Variants in SV2B observed in about 807,000 individuals in gnomAD.
SV2B encodes the protein synaptic vesicle glycoprotein 2B, also known as solute carrier family 22 member B2.
A neutral mutation model predicts 73.9 loss-of-function variants in SV2B; 41 were observed. The ratio of observed to expected loss-of-function variants is 0.56; its 90% CI spans 0.43 to 0.72. SV2B has a LOEUF of 0.72. Ranked by LOEUF, SV2B falls within the 30% of genes least tolerant of loss-of-function variation. The pLI is 0.00. For missense variants in SV2B, 764 were observed against 857.8 expected, an observed-to-expected ratio of 0.89 and a Z score of 1.37; for synonymous variants, 314 against 314.2, an observed-to-expected ratio of 1.00 and a Z score of 0.01.
chr15:91,172,279 T>C (rs1172175445), intron 1 of SV2B, among the ~76,000 whole-genome samples: 1 of 152,162 alleles, frequency 6.6e-6, no homozygotes, highest in East Asian at 1.9e-4. Context: ...GCTGAAACAT[T>C]TACATGTGCT....
At chr15:91,276,632 T>C (rs1277828241) in intron 9 of SV2B, among the ~76,000 whole-genome samples, 2 of 151,882 alleles carry the variant, frequency 1.3e-5, no homozygotes, top group Non-Finnish European at 2.9e-5. Flanking sequence ...TCTGTTACAT[T>C]ATTTAAAACA....
chr15:91,101,041 G>A (rs1416242193), intron 1 of SV2B, among the ~76,000 whole-genome samples: 1 of 152,226 alleles, frequency 6.6e-6, no homozygotes, highest in Non-Finnish European at 1.5e-5. Context: ...GTTCAGCAGG[G>A]CTGATGAAAT....
chr15:91,284,127 T>C lies in SV2B; in HGVS notation c.1614T>C (p.Ile538=), dbSNP rs200630483. ...MDLEQDNDFL[I]YLVSFLGSLS... ...TGGAGCAAGATAATGACTTCCTGAT[T>C]TACCTCGTCAGCTTCCTGGGCAGCC... The change falls in exon 11 of 13, where the codon ATT becomes ATC. Residue 538 remains isoleucine, a synonymous_variant. Transcript: ENST00000394232. The surrounding 1 kb of genome is among the most constrained non-coding windows in gnomAD (Gnocchi z 4.5). 1 of 1,614,188 alleles carries C rather than the reference T, an allele frequency of 6.2e-7. No homozygotes were observed. The highest frequency in any genetic ancestry group is 1.1e-5 in the South Asian group (1 of 91,080).
At chr15:91,186,480 C>T (rs2044774746) in intron 1 of SV2B, among the ~76,000 whole-genome samples, 1 of 152,168 alleles carries the variant, frequency 6.6e-6, no homozygotes, top group South Asian at 2.1e-4. Context: ...AGTCACTTGA[C>T]CTCTCTGAGA....
chr15:91,190,485 T>G (rs971219657), intron 1 of SV2B, among the ~76,000 whole-genome samples: 1 of 152,230 alleles, frequency 6.6e-6, no homozygotes, highest in African/African-American at 2.4e-5. Flanking sequence ...AGCAGGATGT[T>G]TGCAGTAGGA....
intron 1 of SV2B, among the ~76,000 whole-genome samples, chr15:91,101,205 G>A (rs562305285): frequency 4.4e-4 from 67 of 152,234 alleles, no homozygotes; most frequent in African/African-American, 1.4e-3. Context: ...GGAGGTGAAT[G>A]TGGGTGGCTT....
intron 1 of SV2B, among the ~76,000 whole-genome samples, chr15:91,120,736 G>T (rs1235914386): frequency 6.6e-6 from 1 of 150,970 alleles, no homozygotes; most frequent in African/African-American, 2.4e-5. Context: ...ATCACTTGAG[G>T]CTGGGAGACT....
intron 1 of SV2B, among the ~76,000 whole-genome samples, chr15:91,178,164 C>A (rs1309616354): frequency 2.6e-5 from 4 of 151,342 alleles, no homozygotes; most frequent in African/African-American, 9.7e-5. Flanking sequence ...TGGTTTTTGT[C>A]TTTGGTTCTG....
intron 7 of SV2B, 86 bp downstream of exon 7, chr15:91,266,778 T>A: frequency 8.7e-7 from 1 of 1,145,334 alleles, no homozygotes; most frequent in Non-Finnish European, 1.2e-6. Flanking sequence ...CTCCTGAACA[T>A]CCCCACCAAC....
intron 1 of SV2B, among the ~76,000 whole-genome samples, chr15:91,109,001 TAGC>T (rs926681368): frequency 6.6e-6 from 1 of 151,996 alleles, no homozygotes; most frequent in East Asian, 1.9e-4. Context: ...GGGGAGAGAG[TAGC>T]ATTAATTTTC....
intron 2 of SV2B, among the ~76,000 whole-genome samples, chr15:91,238,512 C>T (rs1315337005): frequency 1.3e-5 from 2 of 152,234 alleles, no homozygotes; most frequent in Non-Finnish European, 2.9e-5. Context: ...GTGCGCATTA[C>T]ACATATAACC....
chr15:91,182,424 G>A (rs1018724969), intron 1 of SV2B, among the ~76,000 whole-genome samples: 4 of 152,174 alleles, frequency 2.6e-5, no homozygotes, highest in Non-Finnish European at 5.9e-5. Flanking sequence ...AGCTCAAAAA[G>A]CTCAAAATCT....
chr15:91,224,729 A>AT lies in SV2B; in HGVS notation c.-391-1136dup, dbSNP rs977639106. 8.6e-5 allele frequency among the ~76,000 whole-genome samples: 13 copies of AT among 151,856 alleles called. No homozygotes were observed. Among genetic ancestry groups the AT allele is most frequent in the East Asian group, 3.9e-4 (2 of 5,172 alleles). ...TATCTCTCAAATGAAGATACAGATG[A>AT]TTTTTTTTCTTTCTTTTTTTGCTGT... On this transcript the variant is annotated intron_variant, in intron 1 of 12. Transcript: ENST00000394232. The surrounding 1 kb of genome is among the most constrained non-coding windows in gnomAD (Gnocchi z 4.9).
In SV2B at chr15:91,252,158, G is replaced by C. The variant is rs567477143; in HGVS notation, c.632+159G>C. ...TAAAGTTGAACCTTAGAAAGAGTTA[G>C]GGTTAGGATTAGCCTCTGAAGTCAG... is the stretch of plus-strand genomic sequence containing the variant. On this transcript the variant is annotated intron_variant, in intron 3 of 12. Coordinates refer to ENST00000394232, the MANE Select transcript of SV2B (RefSeq NM_001323032.3). This position sits in a 1 kb window ranked among gnomAD's most constrained non-coding sequence, Gnocchi z 4.6. 7.2e-5 allele frequency among the ~76,000 whole-genome samples: 11 copies of C among 152,290 alleles called. No individual in the cohort carries two copies. The highest frequency in any genetic ancestry group is 5.9e-4 in the Admixed American group (9 of 15,296).
chr15:91,251,399 C>T (rs1239272863), intron 2 of SV2B, among the ~76,000 whole-genome samples: 2 of 152,246 alleles, frequency 1.3e-5, no homozygotes, highest in Non-Finnish European at 2.9e-5. Flanking sequence ...TTTTTCACTT[C>T]TACCGTGTTC....
chr15:91,256,726 A>G (rs1025108599), intron 4 of SV2B, among the ~76,000 whole-genome samples: 5 of 152,244 alleles, frequency 3.3e-5, no homozygotes, highest in African/African-American at 1.2e-4. Flanking sequence ...GTTTGTGTTC[A>G]GTTGCTGTGG....
intron 1 of SV2B, among the ~76,000 whole-genome samples, chr15:91,146,085 G>C (rs2043138597): frequency 6.6e-6 from 1 of 152,060 alleles, no homozygotes; most frequent in African/African-American, 2.4e-5. Context: ...GTATTGCCTA[G>C]GTTGTCTTCC....
At chr15:91,243,758 T>C (rs745810222) in intron 2 of SV2B, among the ~76,000 whole-genome samples, 4 of 152,196 alleles carry the variant, frequency 2.6e-5, no homozygotes, top group Non-Finnish European at 5.9e-5. Context: ...TTCTTCCTGA[T>C]TTAAGGCTCT....
chr15:91,133,127 C>T (rs752947264), intron 1 of SV2B, among the ~76,000 whole-genome samples: 33 of 152,116 alleles, frequency 2.2e-4, no homozygotes, highest in Non-Finnish European at 4.4e-4. Flanking sequence ...ATGATCACAG[C>T]AAAGAATAAG....
Sources: gnomAD v4.1 joint callset for allele counts (sites outside exome capture counted in the v4.1 genomes callset) on GRCh38, gnomAD v4.1.1 for gene constraint, Gnocchi (gnomAD v3.1) non-coding constraint, MANE v1.5 for transcripts, NCBI Gene and HGNC (gene_info 2026-07-23, HGNC 2026-07-21) for gene names.